VWA3B: variants seen among roughly 807,000 people sequenced by gnomAD.
VWA3B encodes von Willebrand factor A domain-containing protein 3B.
A neutral mutation model predicts 158.3 loss-of-function variants in VWA3B; 138 were observed. The ratio of observed to expected loss-of-function variants is 0.87; its 90% confidence interval spans 0.76 to 1.00. VWA3B has a LOEUF of 1.00. Ranked by LOEUF, VWA3B falls within the 50% of genes least tolerant of loss-of-function variation. The pLI is 0.00. For synonymous variants in VWA3B, 596 were observed against 587.3 expected (o/e 1.01, Z -0.21); for missense variants, 1,555 against 1,565.1 (o/e 0.99, Z 0.11).
chr2:98,185,217 T>C (rs537013098), intron 9 of VWA3B, among the ~76,000 whole-genome samples: 1 of 152,300 alleles, frequency 6.6e-6, no homozygotes, highest in South Asian at 2.1e-4. Flanking sequence ...TCTCTTGCGC[T>C]ATTCCCACCC....
At chr2:98,172,171 A>G (rs184188502) in intron 8 of VWA3B, among the ~76,000 whole-genome samples, 209 of 152,378 alleles carry the variant, frequency 1.4e-3, no homozygotes, top group Admixed American at 2.4e-3. Flanking sequence ...TTGGTGTACC[A>G]GAAGAATCGG....
Position 98,265,591 on chromosome 2 carries a change from C to T in VWA3B, c.2844-5091C>T, listed in dbSNP as rs1338469336. On this transcript the variant is annotated intron_variant, in intron 21 of 27. Coordinates refer to ENST00000477737, the MANE Select transcript of VWA3B (RefSeq NM_144992.5). Reference sequence around the variant, plus strand: ...GGATGGCTGGGTCAAATGGTATTTCCAGTTCTAGATCCCTGAGGAATCGCC... The same window carrying T: ...GGATGGCTGGGTCAAATGGTATTTCTAGTTCTAGATCCCTGAGGAATCGCC... Among the ~76,000 whole-genome samples the T allele has an allele frequency of 5.7e-3, 855 of 148,704 alleles. 6 individuals carry two copies. The highest frequency in any genetic ancestry group is 0.02 in the African/African-American group (811 of 40,450).
chr2:98,130,879 T>A (rs1409591519), intron 6 of VWA3B, among the ~76,000 whole-genome samples: 1 of 152,252 alleles, frequency 6.6e-6, no homozygotes, highest in African/African-American at 2.4e-5. Flanking sequence ...AATGATCAAG[T>A]CGGGATTTAG....
chr2:98,260,331 A>G (rs1687404336), intron 21 of VWA3B, among the ~76,000 whole-genome samples: 1 of 151,628 alleles, frequency 6.6e-6, no homozygotes, highest in Admixed American at 6.6e-5. Context: ...GTCTCCAACT[A>G]TTTTTACACA....
At chr2:98,218,172 C>T in intron 14 of VWA3B, 144 bp downstream of exon 14, 3 of 906,296 alleles carry the variant, frequency 3.3e-6, no homozygotes, top group South Asian at 4.1e-5. Flanking sequence ...AATGAGTGTA[C>T]CAGTGTTTCT....
intron 19 of VWA3B, among the ~76,000 whole-genome samples, chr2:98,242,873 T>C (rs570647772): frequency 2.7e-4 from 41 of 151,750 alleles, no homozygotes; most frequent in African/African-American, 9.2e-4. Flanking sequence ...AGTCATGACA[T>C]TTTGTTGCTT....
chr2:98,106,209 C>T (rs1449151693), intron 2 of VWA3B, among the ~76,000 whole-genome samples: 1 of 152,202 alleles, frequency 6.6e-6, no homozygotes, highest in Non-Finnish European at 1.5e-5. Context: ...GCCACTGCGC[C>T]TGGCCCTAGG....
chr2:98,220,989 G>A (rs764213557), intron 14 of VWA3B, among the ~76,000 whole-genome samples: 1 of 152,094 alleles, frequency 6.6e-6, no homozygotes, highest in Non-Finnish European at 1.5e-5. Context: ...GCAGAGGGAG[G>A]GAGAGCATCA....
At chr2:98,170,738 C>G (rs1679513370) in intron 8 of VWA3B, among the ~76,000 whole-genome samples, 1 of 152,026 alleles carries the variant, frequency 6.6e-6, no homozygotes. Flanking sequence ...TCCTGAGTAG[C>G]TGGGACTACA....
rs199694957 is a variant in VWA3B, at chr2:98,236,450, G to A, written c.2489G>A (p.Arg830Gln). 207 of 1,614,208 alleles carry A rather than the reference G, an allele frequency of 1.3e-4. 1 individual carries two copies. The Middle Eastern group carries it at 2.5e-3, about 19-fold the overall frequency. ...GACAAATCGTCAGAAAAGGTGACGC[G>A]AGAAGGAAGCCAGGTTTATGACCAC... ...LDDKSSEKVT[R>Q]EGSQVYDHDS... Residue 830 changes from arginine (R) to glutamine (Q), a missense_variant, in exon 18 of 28, where the codon CGA becomes CAA. By Grantham distance (43) the Arg-to-Gln change is conservative. Transcript: ENST00000477737.
intron 10 of VWA3B, among the ~76,000 whole-genome samples, chr2:98,189,258 T>C (rs1326922797): frequency 2.0e-5 from 3 of 152,060 alleles, no homozygotes; most frequent in African/African-American, 7.2e-5. Flanking sequence ...ATTCAAAAAA[T>C]TAGCTAGGCA....
intron 26 of VWA3B, among the ~76,000 whole-genome samples, chr2:98,310,397 T>C (rs954618636): frequency 6.6e-6 from 1 of 151,934 alleles, no homozygotes; most frequent in Non-Finnish European, 1.5e-5. Context: ...GGCAGGGGGG[T>C]AGGCATCTCC....
At chr2:98,225,975 A>T (rs1684891150) in intron 14 of VWA3B, among the ~76,000 whole-genome samples, 1 of 152,220 alleles carries the variant, frequency 6.6e-6, no homozygotes, top group South Asian at 2.1e-4. Context: ...TCACGGATTG[A>T]ACGACTTAAC....
intron 4 of VWA3B, among the ~76,000 whole-genome samples, chr2:98,120,265 C>A (rs1043445674): frequency 6.6e-6 from 1 of 152,148 alleles, no homozygotes; most frequent in Admixed American, 6.5e-5. Context: ...TTTATGGATT[C>A]TTGGATTCAA....
chr2:98,292,272 C>A (rs184651521), intron 23 of VWA3B, among the ~76,000 whole-genome samples: 2 of 151,820 alleles, frequency 1.3e-5, no homozygotes, highest in Non-Finnish European at 2.9e-5. Context: ...ACGTAGCTGG[C>A]CTTTCATAGG....
chr2:98,114,299 A>G (rs147386613), intron 2 of VWA3B, among the ~76,000 whole-genome samples: 1 of 152,350 alleles, frequency 6.6e-6, no homozygotes, highest in African/African-American at 2.4e-5. Context: ...TAAACAGAGA[A>G]TGCTGCTAGT....
At chr2:98,255,182 ATTTT>A (rs769708577) in intron 20 of VWA3B, among the ~76,000 whole-genome samples, 4 of 52,136 alleles carry the variant, frequency 7.7e-5, no homozygotes, top group African/African-American at 2.8e-4. Context: ...CCCGGCTGAT[ATTTT>A]TTTTTTTTTT....
At chr2:98,231,872 T>C (rs11679920) in intron 16 of VWA3B, among the ~76,000 whole-genome samples, 94,214 of 152,108 alleles carry the variant, frequency 0.62, 29,462 homozygotes, top group South Asian at 0.84. Flanking sequence ...ATTATTTTAA[T>C]ACATTGCTGG....
At chr2:98,199,952 C>T (rs978860310) in intron 12 of VWA3B, among the ~76,000 whole-genome samples, 1 of 152,260 alleles carries the variant, frequency 6.6e-6, no homozygotes, top group East Asian at 1.9e-4. Flanking sequence ...GTGGCTGTAC[C>T]GTTTTGCATT....
Sources: gnomAD v4.1 joint callset for allele counts (sites outside exome capture counted in the v4.1 genomes callset) on GRCh38, gnomAD v4.1.1 for gene constraint, MANE v1.5 for transcripts, NCBI Gene and HGNC (gene_info 2026-07-23, HGNC 2026-07-21) for gene names.